Variants in PRKG1 observed in about 807,000 individuals in gnomAD.
PRKG1 encodes the protein cGMP-dependent protein kinase 1.
PRKG1 carries 35 observed loss-of-function variants against 88.1 expected under a neutral mutation model. The observed-to-expected ratio is 0.40, with a 90% CI of 0.30 to 0.53. The LOEUF (loss-of-function observed/expected upper bound fraction) is 0.53. Ranked by LOEUF, PRKG1 falls within the 20% of genes least tolerant of loss-of-function variation. PRKG1 has a pLI of 0.59. For missense variants in PRKG1, 540 were observed against 839.8 expected, an observed-to-expected ratio of 0.64 and a Z score of 4.41; for synonymous variants, 303 against 292.5, an observed-to-expected ratio of 1.04 and a Z score of -0.37.
At chr10:51,550,898 A>C (rs1023031082) in intron 3 of PRKG1, among the ~76,000 whole-genome samples, 1 of 151,958 alleles carries the variant, frequency 6.6e-6, no homozygotes, top group Admixed American at 6.6e-5. Flanking sequence ...CCTAAATGAC[A>C]ATGCAAACCT....
chr10:51,724,128 A>G (rs1471746620), intron 3 of PRKG1, among the ~76,000 whole-genome samples: 1 of 152,176 alleles, frequency 6.6e-6, no homozygotes, highest in East Asian at 1.9e-4. Flanking sequence ...GTAAAAAAGC[A>G]GGTGAAAAAT....
chr10:51,288,771 A>C (rs1375837888), intron 2 of PRKG1, among the ~76,000 whole-genome samples: 1 of 152,208 alleles, frequency 6.6e-6, no homozygotes, highest in African/African-American at 2.4e-5. Context: ...GAAAGAAGGA[A>C]TGACAGAGGG....
At chr10:52,118,538 A>G (rs767861210) in intron 7 of PRKG1, among the ~76,000 whole-genome samples, 7 of 152,000 alleles carry the variant, frequency 4.6e-5, no homozygotes, top group Non-Finnish European at 1.0e-4. Flanking sequence ...CCAGTAAGGC[A>G]AGTTTAATAT....
At chr10:51,133,387 C>T (rs891479233) in intron 1 of PRKG1, among the ~76,000 whole-genome samples, 6 of 152,178 alleles carry the variant, frequency 3.9e-5, no homozygotes, top group Non-Finnish European at 8.8e-5. Flanking sequence ...ATCAGTTTTG[C>T]ACTGATCACT....
chr10:51,293,722 T>G (rs906270387), intron 2 of PRKG1, among the ~76,000 whole-genome samples: 24 of 152,246 alleles, frequency 1.6e-4, no homozygotes, highest in South Asian at 6.2e-4. Context: ...TGATTTTTTT[T>G]GGGGTGGGGG....
At chr10:51,847,068 G>A (rs1840416760) in intron 4 of PRKG1, among the ~76,000 whole-genome samples, 1 of 152,142 alleles carries the variant, frequency 6.6e-6, no homozygotes, top group Non-Finnish European at 1.5e-5. Context: ...TAGCAGCTCA[G>A]CTGCTCACTG....
rs1843894137 is a variant in PRKG1, at chr10:51,074,519, T to C, written c.-72T>C. 2 of 1,527,670 alleles carry C rather than the reference T, an allele frequency of 1.3e-6. No individual in the cohort carries two copies. The highest frequency in any genetic ancestry group is 1.8e-6 in the Non-Finnish European group (2 of 1,136,104). The allele number at this position is 1,527,670 out of a possible 1,614,324, so 94.6% of individuals were successfully genotyped here. On this transcript the variant is annotated 5_prime_UTR_variant, in exon 1 of 18. Coordinates refer to ENST00000373980, the MANE Select transcript of PRKG1 (RefSeq NM_006258.4). ...AGGCAGCGGCGACTTTGGGGAAAGT[T>C]GATCGGAGAGGGGAGGAAGCCTCAA...
intron 2 of PRKG1, among the ~76,000 whole-genome samples, chr10:51,384,380 G>A (rs1837194666): frequency 6.6e-6 from 1 of 152,158 alleles, no homozygotes; most frequent in African/African-American, 2.4e-5. Context: ...AGTGCTTATG[G>A]CAGAGGCTGA....
At chr10:51,966,004 A>G (rs1001911664) in intron 5 of PRKG1, among the ~76,000 whole-genome samples, 44 of 152,224 alleles carry the variant, frequency 2.9e-4, no homozygotes, top group African/African-American at 1.0e-3. Context: ...CATAGATTCA[A>G]TTATATAGTT....
At chr10:52,172,613 A>G (rs1310938963) in intron 9 of PRKG1, among the ~76,000 whole-genome samples, 1 of 152,236 alleles carries the variant, frequency 6.6e-6, no homozygotes, top group African/African-American at 2.4e-5. Flanking sequence ...CATTTGAAAA[A>G]ATAATTATCT....
rs1554849267 is a variant in PRKG1 at position 51,229,942 on chromosome 10, A to AG, written c.478+76612_478+76613insG. Among the ~76,000 whole-genome samples, 356 of 44,148 alleles carry AG rather than the reference A, an allele frequency of 8.1e-3. 4 individuals carry two copies. The highest frequency in any genetic ancestry group is 0.057 in the Middle Eastern group (4 of 70). The allele number at this position is 44,148 out of a possible 152,430, so 29.0% of individuals were successfully genotyped here. A position where few individuals can be genotyped will look rare whatever the true frequency, so the allele number is the denominator to read the frequency against. On this transcript the variant is annotated intron_variant, in intron 2 of 17. Transcript: ENST00000373980. Reference sequence around the variant, plus strand: ...AGGCGATCTCAAAAAAAAAAAAAAAAAAAAAAGAAAAAGAAAAAAGAAAGA... The same window carrying AG: ...AGGCGATCTCAAAAAAAAAAAAAAAAGAAAAAAGAAAAAGAAAAAAGAAAGA...
intron 9 of PRKG1, among the ~76,000 whole-genome samples, chr10:52,250,214 C>T (rs1249600451): frequency 6.6e-6 from 1 of 152,144 alleles, no homozygotes. Flanking sequence ...CTACAAACAC[C>T]ATTAGGATGG....
At chr10:51,229,816 A>G (rs2132106304) in intron 2 of PRKG1, among the ~76,000 whole-genome samples, 1 of 151,112 alleles carries the variant, frequency 6.6e-6, no homozygotes, top group Admixed American at 6.6e-5. Context: ...AGTCCCAGCT[A>G]CTTGGGAAGC....
intron 1 of PRKG1, among the ~76,000 whole-genome samples, chr10:51,078,222 T>TTTGTTG (rs201936935): frequency 0.072 from 10,881 of 151,690 alleles, 646 homozygotes; most frequent in East Asian, 0.15. Context: ...TTCTTTTTCC[T>TTTGTTG]TTGTTGTTGT....
chr10:52,216,201 A>G (rs1317156758), intron 9 of PRKG1, among the ~76,000 whole-genome samples: 2 of 152,190 alleles, frequency 1.3e-5, no homozygotes, highest in Non-Finnish European at 2.9e-5. Context: ...CTCTTCTTAG[A>G]CACTTCTTAA....
chr10:52,171,140 GGTTTTGT>G (rs1564500617), intron 9 of PRKG1, among the ~76,000 whole-genome samples: 2 of 43,760 alleles, frequency 4.6e-5, no homozygotes, highest in Non-Finnish European at 8.1e-5. Flanking sequence ...TTTTTTTTTT[GGTTTTGT>G]TTTTTTTTTT....
intron 1 of PRKG1, among the ~76,000 whole-genome samples, chr10:51,126,830 T>G (rs1845436488): frequency 6.6e-6 from 1 of 152,102 alleles, no homozygotes; most frequent in African/African-American, 2.4e-5. Flanking sequence ...CCATCTGATC[T>G]TCAACAAACC....
At chr10:51,511,607 A>G (rs1039589303) in intron 3 of PRKG1, among the ~76,000 whole-genome samples, 1 of 152,234 alleles carries the variant, frequency 6.6e-6, no homozygotes, top group Non-Finnish European at 1.5e-5. Context: ...TATTAGTCAT[A>G]GTGGAAATGT....
At chr10:52,169,539 A>G (rs891281869) in intron 9 of PRKG1, among the ~76,000 whole-genome samples, 3 of 152,162 alleles carry the variant, frequency 2.0e-5, no homozygotes, top group Admixed American at 6.5e-5. Context: ...CCACACATGA[A>G]TTTAGGTAGG....
Sources: gnomAD v4.1 joint callset for allele counts (sites outside exome capture counted in the v4.1 genomes callset) on GRCh38, gnomAD v4.1.1 for gene constraint, MANE v1.5 for transcripts, NCBI Gene and HGNC (gene_info 2026-07-23, HGNC 2026-07-21) for gene names.